CEP295: variants seen among roughly 807,000 people sequenced by gnomAD.
CEP295 encodes centrosomal protein 295, also known as centrosomal protein of 295 kDa.
In CEP295, 190 loss-of-function variants were observed where a neutral mutation model predicts 291.6. The ratio of observed to expected loss-of-function variants is 0.65; its 90% CI spans 0.58 to 0.73. The LOEUF (loss-of-function observed/expected upper bound fraction) is 0.73, where lower values mean the gene tolerates loss of function less well. Among genes scored for constraint, CEP295 ranks in the 30% least tolerant of loss-of-function variants. CEP295 has a pLI of 0.00. For missense variants in CEP295, 2,863 were observed against 2,949.4 expected (o/e 0.97, Z 0.68); for synonymous variants, 993 against 1,038.8 (o/e 0.96, Z 0.85).
At chr11:93,691,098 T>C (rs960695905) in intron 10 of CEP295, among the ~76,000 whole-genome samples, 1 of 152,240 alleles carries the variant, frequency 6.6e-6, no homozygotes, top group Non-Finnish European at 1.5e-5. Context: ...AATTTTTTTC[T>C]GGGATAATTA....
chr11:93,707,022 G>C, intron 18 of CEP295, 125 bp downstream of exon 18: 3 of 807,208 alleles, frequency 3.7e-6, no homozygotes, highest in Non-Finnish European at 5.6e-6. Context: ...TAATGGAATC[G>C]TTATGATGCA....
intron 12 of CEP295, 37 bp from the exon 13 acceptor site, chr11:93,695,460 T>C (rs1951800819): frequency 7.5e-7 from 1 of 1,326,756 alleles, no homozygotes; most frequent in South Asian, 1.8e-5. Flanking sequence ...TTTGTATGAG[T>C]TTGTTGTTAA....
In CEP295 at chr11:93,697,109, C is replaced by T. The variant is rs1951881665; in HGVS notation, c.2197C>T (p.Leu733Phe). The change falls in exon 15 of 30, where the codon CTT (leucine) becomes TTT (phenylalanine). Residue 733 changes from leucine (L) to phenylalanine (F), a missense_variant. Physicochemically the swap from Leu to Phe is conservative, Grantham distance 22. Transcript: ENST00000325212. ...ATTGGTCCCCAAAGATTCTGAGACA[C>T]TTTCAAGGGCTTTGTCACATGACAG... is the stretch of plus-strand genomic sequence containing the variant. ...YKLVPKDSET[L>F]SRALSHDRQL... 2 of 1,551,738 alleles carry T rather than the reference C, an allele frequency of 1.3e-6. No individual in the cohort carries two copies. The highest frequency in any genetic ancestry group is 8.7e-7 in the Non-Finnish European group (1 of 1,146,994).
chr11:93,662,111 A>T (rs1490988944), intron 1 of CEP295, among the ~76,000 whole-genome samples: 1 of 152,180 alleles, frequency 6.6e-6, no homozygotes, highest in Non-Finnish European at 1.5e-5. Context: ...ACCCGCGGAC[A>T]TGGCCTGCCA....
At chr11:93,670,641 A>G (rs1457267738) in intron 5 of CEP295, among the ~76,000 whole-genome samples, 1 of 152,098 alleles carries the variant, frequency 6.6e-6, no homozygotes, top group African/African-American at 2.4e-5. Flanking sequence ...TTGTACGTTG[A>G]GCCATCTACC....
chr11:93,723,934 G>C, intron 21 of CEP295: 1 of 164,370 alleles, frequency 6.1e-6, no homozygotes, highest in Non-Finnish European at 1.3e-5. Context: ...ACCAGCCTGG[G>C]CAACACTGAG....
At position 93,728,740 on chromosome 11, in the gene CEP295, T is replaced by G; in HGVS notation, c.7221T>G (p.Thr2407=). The G allele has an allele frequency of 6.4e-7, 1 of 1,550,950 alleles. No individual in the cohort carries two copies. Among genetic ancestry groups the G allele is most frequent in the Non-Finnish European group, 8.7e-7 (1 of 1,146,674 alleles). Residue 2407 remains threonine, a synonymous_variant, in exon 25 of 30, where the codon ACT becomes ACG. Transcript: ENST00000325212. Reference sequence around the variant, plus strand: ...CAGAACTTACTTTAATAAGCACCACTGATACCAGTATTGCTGAAATGGATT... The same window carrying G: ...CAGAACTTACTTTAATAAGCACCACGGATACCAGTATTGCTGAAATGGATT... The part of the protein sequence containing the change: ...EEPELTLIST[T]DTSIAEMDFA...
At position 93,699,656 on chromosome 11, in the gene CEP295, A is replaced by G; in HGVS notation, c.4744A>G (p.Ile1582Val). 6.4e-7 allele frequency: 1 copy of G among 1,551,600 alleles called. No individual in the cohort carries two copies. The highest frequency in any genetic ancestry group is 8.7e-7 in the Non-Finnish European group (1 of 1,147,036). Residue 1582 changes from isoleucine to valine, a missense_variant, in exon 15 of 30, where the codon ATT becomes GTT. Physicochemically the swap from Ile to Val is conservative, Grantham distance 29. Coordinates refer to ENST00000325212, the MANE Select transcript of CEP295 (RefSeq NM_033395.2). ...TACTCTTCCCTCAAGTCATCGTGAG[A>G]TTCCAAGATTACAGGATAGACTTTT... is the stretch of plus-strand genomic sequence containing the variant. ...NDTLPSSHRE[I>V]PRLQDRLLSL...
intron 18 of CEP295, among the ~76,000 whole-genome samples, chr11:93,714,115 T>C (rs1380416105): frequency 6.6e-6 from 1 of 152,254 alleles, no homozygotes; most frequent in African/African-American, 2.4e-5. Context: ...TTGAATTCTC[T>C]GTCTGAAATG....
At chr11:93,717,139 CTCTTTAATTTTATTTT>C (rs1953327691) in intron 18 of CEP295, among the ~76,000 whole-genome samples, 1 of 152,114 alleles carries the variant, frequency 6.6e-6, no homozygotes, top group Admixed American at 6.6e-5. Flanking sequence ...AAGCTTATTT[CTCTTTAATTTTATTTT>C]TCTTTAATTT....
chr11:93,721,807 G>GA lies in CEP295; in HGVS notation c.5851-143dup, dbSNP rs757649930. 4.2e-6 allele frequency: 3 copies of GA among 721,670 alleles called. No individual in the cohort carries two copies. In the African/African-American group the frequency reaches 5.2e-5, roughly 13 times the overall value. The allele number at this position is 721,670 out of a possible 1,614,324, so 44.7% of individuals were successfully genotyped here. ...AGCCTAATCATTTCTGGGCAATGAT[G>GA]AAAAGGTTTTACTACTGATCTTTGT... On this transcript the variant is annotated intron_variant, in intron 19 of 29. Coordinates refer to ENST00000325212, the MANE Select transcript of CEP295 (RefSeq NM_033395.2).
chr11:93,729,102 T>C lies in CEP295; in HGVS notation c.7302+281T>C, dbSNP rs1937913937. 4.2e-5 allele frequency: 21 copies of C among 496,966 alleles called. No individual in the cohort carries two copies. In the South Asian group the frequency reaches 6.1e-4, roughly 15 times the overall value. 30.8% of individuals were successfully genotyped at this position (496,966 alleles called of 1,614,324 possible). A position where few individuals can be genotyped will look rare whatever the true frequency, so the allele number is the denominator to read the frequency against. On this transcript the variant is annotated intron_variant, in intron 25 of 29. Transcript: ENST00000325212. Reference sequence around the variant, plus strand: ...GCCAAGTTGGAAGTTTTACCTAAACTTATTCCCAGATATTGAAAAATGACT... The same window carrying C: ...GCCAAGTTGGAAGTTTTACCTAAACCTATTCCCAGATATTGAAAAATGACT...
At chr11:93,713,107 C>T (rs1032945930) in intron 18 of CEP295, among the ~76,000 whole-genome samples, 2 of 151,936 alleles carry the variant, frequency 1.3e-5, no homozygotes, top group African/African-American at 4.8e-5. Flanking sequence ...AACTTTGTGT[C>T]CCTGCTGTTT....
intron 6 of CEP295, 106 bp from the exon 7 acceptor site, chr11:93,679,306 A>G (rs1950849103): frequency 3.3e-6 from 3 of 918,302 alleles, no homozygotes; most frequent in Admixed American, 5.8e-5. Context: ...AACTCTTCTT[A>G]TATTTTATAT....
chr11:93,725,411 C>T (rs1049569067), intron 22 of CEP295, among the ~76,000 whole-genome samples: 1 of 152,186 alleles, frequency 6.6e-6, no homozygotes, highest in Admixed American at 6.5e-5. Context: ...AAGTATCCTC[C>T]TACACAGTCA....
intron 6 of CEP295, among the ~76,000 whole-genome samples, chr11:93,676,907 G>A (rs1334806727): frequency 2.0e-5 from 3 of 151,994 alleles, no homozygotes; most frequent in African/African-American, 7.2e-5. Context: ...TAAAGGGTTA[G>A]AAAAAAGTTC....
chr11:93,708,523 C>A (rs1050187995), intron 18 of CEP295, among the ~76,000 whole-genome samples: 1 of 151,960 alleles, frequency 6.6e-6, no homozygotes, highest in African/African-American at 2.4e-5. Context: ...CATTGTGATA[C>A]GTGCCACTTT....
Position 93,727,130 on chromosome 11 carries a change from A to T in CEP295, c.6654A>T (p.Ile2218=). 1 of 1,551,098 alleles carries T rather than the reference A, an allele frequency of 6.4e-7. No individual in the cohort carries two copies. Among genetic ancestry groups the T allele is most frequent in the Non-Finnish European group, 8.7e-7 (1 of 1,146,832 alleles). The change falls in exon 24 of 30, where the codon ATA becomes ATT. Residue 2218 remains isoleucine, a synonymous_variant. Coordinates refer to ENST00000325212, the MANE Select transcript of CEP295 (RefSeq NM_033395.2). The part of the protein sequence containing the change: ...QNYPSEEHTE[I]LQNKKKIVHF... ...ATCCCTCTGAAGAACATACTGAAATATTACAAAACAAGAAAAAAATTGTTC... is the reference window on the plus strand; with the variant it reads ...ATCCCTCTGAAGAACATACTGAAATTTTACAAAACAAGAAAAAAATTGTTC...
intron 10 of CEP295, among the ~76,000 whole-genome samples, chr11:93,690,735 A>G (rs1466125763): frequency 6.7e-6 from 1 of 150,324 alleles, no homozygotes; most frequent in Non-Finnish European, 1.5e-5. Context: ...GTCTCAAAAA[A>G]AAAAAAAAAA....
Sources: gnomAD v4.1 joint callset for allele counts (sites outside exome capture counted in the v4.1 genomes callset) on GRCh38, gnomAD v4.1.1 for gene constraint, MANE v1.5 for transcripts, NCBI Gene and HGNC (gene_info 2026-07-23, HGNC 2026-07-21) for gene names.